The following MKLN1 variants were observed in gnomAD, a reference collection of about 807,000 sequenced individuals.
The protein encoded by MKLN1 is muskelin.
A neutral mutation model predicts 99.0 loss-of-function variants in MKLN1; 18 were observed. That is an observed-to-expected ratio of 0.18 (90% confidence interval 0.13 to 0.27). The LOEUF is 0.27. Among genes scored for constraint, MKLN1 ranks in the 10% least tolerant of loss-of-function variants. The pLI is 1.00. For missense variants in MKLN1, 621 were observed against 875.9 expected (o/e 0.71, Z 3.67); for synonymous variants, 288 against 293.2 (o/e 0.98, Z 0.18).
intron 14 of MKLN1, 84 bp from the exon 15 acceptor site, chr7:131,466,192 G>A (rs927335631): frequency 1.1e-6 from 1 of 915,138 alleles, no homozygotes; most frequent in African/African-American, 1.7e-5. Flanking sequence ...ATGGGCTCAG[G>A]AAGTTAACCT....
Position 131,271,655 on chromosome 7 carries a change from G to A in MKLN1, c.-179+68681G>A, listed in dbSNP as rs986635227. Among the ~76,000 whole-genome samples, 5 of 151,394 alleles carry A rather than the reference G, an allele frequency of 3.3e-5. No individual in the cohort carries two copies. The South Asian group carries it at 8.4e-4, about 25-fold the overall frequency. ...AAAAAAAATTTGGCCGGGCATGGTT[G>A]CTCACGCCTGTAATCCCAGCACTTT... is the stretch of plus-strand genomic sequence containing the variant. On this transcript the variant is annotated intron_variant, in intron 3 of 7. Transcript: ENST00000416992.
chr7:131,359,363 A>G lies in MKLN1; in HGVS notation c.99-16061A>G, dbSNP rs568515165. 2.0e-5 allele frequency among the ~76,000 whole-genome samples: 3 copies of G among 152,330 alleles called. No homozygotes were observed. The South Asian group carries it at 6.2e-4, about 32-fold the overall frequency. On this transcript the variant is annotated intron_variant, in intron 1 of 17. Transcript: ENST00000352689. ...TTTAATTCCATTGTGGTCTGAGAGC[A>G]TACTTTGTGTAATCTTCAACTCTTT...
chr7:131,462,977 C>T (rs527306361), intron 12 of MKLN1, among the ~76,000 whole-genome samples: 67 of 152,058 alleles, frequency 4.4e-4, no homozygotes, highest in Non-Finnish European at 8.7e-4. Flanking sequence ...AAAAAATTAG[C>T]TGAGTGTGGT....
rs56276107 is a variant in MKLN1, at chr7:131,395,450, TTTTTATTTTATTTTATTTTATTTTA to T, written c.401-1791_401-1767del. ...TTTTCTGTGCCATTGGTAAAAATTATTTTTATTTTATTTTATTTTATTTTATTTTATTTTATTTTATTTTATTTTA... is the reference window on the plus strand; with the variant it reads ...TTTTCTGTGCCATTGGTAAAAATTATTTTTATTTTATTTTATTTTATTTTA... On this transcript the variant is annotated intron_variant, in intron 4 of 17. Transcript: ENST00000352689. Among the ~76,000 whole-genome samples, 82 of 134,270 alleles carry T rather than the reference TTTTTATTTTATTTTATTTTATTTTA, an allele frequency of 6.1e-4. 1 individual carries two copies. The highest frequency in any genetic ancestry group is 2.2e-3 in the African/African-American group (78 of 35,288). 88.1% of individuals were successfully genotyped at this position (134,270 alleles called of 152,430 possible).
chr7:131,145,869 G>A (rs1471794810), intron 2 of MKLN1, among the ~76,000 whole-genome samples: 3 of 152,348 alleles, frequency 2.0e-5, no homozygotes, highest in East Asian at 3.9e-4. Flanking sequence ...CCTGGTGCCC[G>A]GAAGTGGGGC....
Position 131,495,068 on chromosome 7 carries a change from G to C in MKLN1, c.*7340G>C, listed in dbSNP as rs1797521814. On this transcript the variant is annotated 3_prime_UTR_variant, in exon 18 of 18. Coordinates refer to ENST00000352689, the MANE Select transcript of MKLN1 (RefSeq NM_013255.5). ...ATGAGGACCTCCTTTTCTTGTGTTG[G>C]TCTTGGGAACAAACAGTATTCCGTC... 1 of 152,136 alleles carries C rather than the reference G, an allele frequency of 6.6e-6. No homozygotes were observed. 9.4% of individuals were successfully genotyped at this position (152,136 alleles called of 1,614,324 possible). A position where few individuals can be genotyped will look rare whatever the true frequency, so the allele number is the denominator to read the frequency against.
intron 1 of MKLN1, among the ~76,000 whole-genome samples, chr7:131,130,424 A>T (rs376045086): frequency 1.2e-4 from 19 of 152,214 alleles, no homozygotes; most frequent in Non-Finnish European, 2.6e-4. Context: ...CTTATCTACC[A>T]TGTGCTTTAA....
At chr7:131,389,234 A>G (rs1794122858) in intron 4 of MKLN1, among the ~76,000 whole-genome samples, 1 of 152,174 alleles carries the variant, frequency 6.6e-6, no homozygotes, top group Non-Finnish European at 1.5e-5. Flanking sequence ...TCTGCTTTAT[A>G]TAAATTCATT....
chr7:131,451,538 A>G (rs1476645775), intron 12 of MKLN1, among the ~76,000 whole-genome samples: 4 of 152,168 alleles, frequency 2.6e-5, no homozygotes, highest in Non-Finnish European at 5.9e-5. Flanking sequence ...ATCTGAATGT[A>G]CCATCTTAGA....
chr7:131,403,181 A>G (rs1038131212), intron 6 of MKLN1, among the ~76,000 whole-genome samples: 1 of 152,172 alleles, frequency 6.6e-6, no homozygotes, highest in African/African-American at 2.4e-5. Flanking sequence ...AACTTGCTGC[A>G]TCTTCTATAA....
intron 1 of MKLN1, among the ~76,000 whole-genome samples, chr7:131,366,927 CA>C (rs777132276): frequency 5.1e-4 from 78 of 152,254 alleles, no homozygotes; most frequent in Non-Finnish European, 1.0e-3. Context: ...CCTAAAATGT[CA>C]AATAAATTAT....
intron 1 of MKLN1, among the ~76,000 whole-genome samples, chr7:131,367,102 A>T (rs553580510): frequency 1.1e-4 from 16 of 152,324 alleles, no homozygotes; most frequent in African/African-American, 3.8e-4. Flanking sequence ...ATAAATTTTT[A>T]AAGTTCTCAT....
intron 2 of MKLN1, among the ~76,000 whole-genome samples, chr7:131,381,152 G>A (rs1445652026): frequency 6.6e-6 from 1 of 152,004 alleles, no homozygotes. Flanking sequence ...TCTCCATAAG[G>A]CATATCATTT....
chr7:131,222,006 A>C (rs531512067), intron 3 of MKLN1, among the ~76,000 whole-genome samples: 2 of 151,582 alleles, frequency 1.3e-5, no homozygotes, highest in South Asian at 2.1e-4. Flanking sequence ...CCTGGGTTCA[A>C]GCAATTTTCC....
chr7:131,162,244 G>T (rs895976868), intron 2 of MKLN1, among the ~76,000 whole-genome samples: 1 of 151,762 alleles, frequency 6.6e-6, no homozygotes, highest in East Asian at 1.9e-4. Context: ...GTAGAGACGG[G>T]GTTTCATCAT....
chr7:131,316,542 C>T (rs1798671367), intron 3 of MKLN1, among the ~76,000 whole-genome samples: 1 of 152,140 alleles, frequency 6.6e-6, no homozygotes, highest in East Asian at 1.9e-4. Context: ...ACCAGAATGC[C>T]TCCTCTCCTC....
At chr7:131,222,318 G>A (rs953242810) in intron 3 of MKLN1, among the ~76,000 whole-genome samples, 1 of 152,222 alleles carries the variant, frequency 6.6e-6, no homozygotes, top group African/African-American at 2.4e-5. Flanking sequence ...CTTGCTCAGA[G>A]TTACCCAGCT....
At chr7:131,115,820 A>C (rs1186312494) in intron 1 of MKLN1, among the ~76,000 whole-genome samples, 4 of 151,892 alleles carry the variant, frequency 2.6e-5, no homozygotes, top group African/African-American at 7.2e-5. Context: ...CTTATATGTC[A>C]CCTCCTCAAA....
At chr7:131,347,189 A>C (rs900766911) in intron 1 of MKLN1, among the ~76,000 whole-genome samples, 1 of 152,206 alleles carries the variant, frequency 6.6e-6, no homozygotes, top group African/African-American at 2.4e-5. Flanking sequence ...ATAGAAACGA[A>C]AGGAAAAAAT....
Sources: gnomAD v4.1 joint callset for allele counts (sites outside exome capture counted in the v4.1 genomes callset) on GRCh38, gnomAD v4.1.1 for gene constraint, MANE v1.5 for transcripts, NCBI Gene and HGNC (gene_info 2026-07-23, HGNC 2026-07-21) for gene names.